Variants in SPG11 observed in about 807,000 individuals in gnomAD.
SPG11 encodes spatacsin.
In SPG11, 222 loss-of-function variants were observed where a neutral mutation model predicts 274.0. The observed-to-expected ratio is 0.81, with a 90% CI of 0.73 to 0.91. SPG11 has a LOEUF of 0.91. SPG11 is among the 40% of genes least tolerant of loss of function. The pLI is 0.00. For synonymous variants in SPG11, 1,144 were observed against 1,039.7 expected (o/e 1.10, Z -1.93); for missense variants, 3,114 against 2,872.7 (o/e 1.08, Z -1.92).
chr15:44,568,565 A>G (rs561943710), intron 35 of SPG11, among the ~76,000 whole-genome samples: 54 of 152,362 alleles, frequency 3.5e-4, no homozygotes, highest in Middle Eastern at 3.4e-3. Flanking sequence ...CTGAGGACAC[A>G]CGGGCTTGCA....
intron 7 of SPG11, among the ~76,000 whole-genome samples, chr15:44,634,850 AATTACAGGC>A (rs1200937299): frequency 1.3e-5 from 2 of 151,774 alleles, no homozygotes; most frequent in Admixed American, 1.3e-4. Flanking sequence ...AAAGTGCTGG[AATTACAGGC>A]ATGAGCCATC....
intron 7 of SPG11, among the ~76,000 whole-genome samples, chr15:44,646,291 T>C (rs372268735): frequency 1.3e-5 from 2 of 152,196 alleles, no homozygotes; most frequent in East Asian, 3.8e-4. Flanking sequence ...GTTCTCACAC[T>C]GCTACAAAGA....
Position 44,566,319 on chromosome 15 carries a change from A to G in SPG11, c.6755-14T>C. On this transcript the variant is annotated splice_polypyrimidine_tract_variant and intron_variant, in intron 36 of 39. Transcript: ENST00000261866. Reference sequence around the variant, plus strand: ...TGAGGCTGTCCTCTGTAGGGGAAATAAAGAAGATTTGCCGAGTCTGACTCC... The same window carrying G: ...TGAGGCTGTCCTCTGTAGGGGAAATGAAGAAGATTTGCCGAGTCTGACTCC... 5.6e-6 allele frequency: 9 copies of G among 1,613,014 alleles called. No individual in the cohort carries two copies. The highest frequency in any genetic ancestry group is 7.6e-6 in the Non-Finnish European group (9 of 1,179,236).
intron 4 of SPG11, among the ~76,000 whole-genome samples, chr15:44,654,175 A>G (rs1384978761): frequency 6.6e-6 from 1 of 152,192 alleles, no homozygotes; most frequent in African/African-American, 2.4e-5. Context: ...TGAATGCATA[A>G]AAGTTACATA....
At chr15:44,599,544 C>T (rs1210045410) in intron 21 of SPG11, among the ~76,000 whole-genome samples, 1 of 152,116 alleles carries the variant, frequency 6.6e-6, no homozygotes, top group African/African-American at 2.4e-5. Flanking sequence ...GTGATCCGCC[C>T]ACCTTGGCCT....
At chr15:44,654,290 A>C (rs947559147) in intron 4 of SPG11, among the ~76,000 whole-genome samples, 4 of 151,952 alleles carry the variant, frequency 2.6e-5, no homozygotes, top group Non-Finnish European at 5.9e-5. Flanking sequence ...CAGGTGGATC[A>C]CTTGAGGTCA....
In SPG11 at chr15:44,628,658, T is replaced by G. The variant is rs2083970254; in HGVS notation, c.2067+11A>C. ...TGGCAAATAAAAGAAGTGATGATTA[T>G]TCGTACTTACCTCAAAGCTGAGTTT... On this transcript the variant is annotated intron_variant, in intron 10 of 39. Coordinates refer to ENST00000261866, the MANE Select transcript of SPG11 (RefSeq NM_025137.4). 6.2e-7 allele frequency: 1 copy of G among 1,611,242 alleles called. No homozygotes were observed. The highest frequency in any genetic ancestry group is 1.3e-5 in the African/African-American group (1 of 74,900).
chr15:44,589,110 T>A lies in SPG11; in HGVS notation c.4906+142A>T. The A allele has an allele frequency of 1.0e-5, 8 of 766,590 alleles. No homozygotes were observed. In the South Asian group the frequency reaches 1.3e-4, roughly 12 times the overall value. 47.5% of individuals were successfully genotyped at this position (766,590 alleles called of 1,614,324 possible). ...GAATATTTTAACCACAATTTAAAGT[T>A]CTCTGTAACTTGTTTACTCCCAGTT... On this transcript the variant is annotated intron_variant, in intron 28 of 39. Coordinates refer to ENST00000261866, the MANE Select transcript of SPG11 (RefSeq NM_025137.4).
intron 4 of SPG11, among the ~76,000 whole-genome samples, chr15:44,656,309 TGACTGCAGAC>T (rs1446778963): frequency 6.6e-6 from 1 of 152,230 alleles, no homozygotes; most frequent in Non-Finnish European, 1.5e-5. Flanking sequence ...CTCAGCTGTC[TGACTGCAGAC>T]ACTGTGAAGG....
intron 28 of SPG11, among the ~76,000 whole-genome samples, chr15:44,586,249 T>C (rs1003004588): frequency 6.6e-6 from 1 of 152,102 alleles, no homozygotes; most frequent in Non-Finnish European, 1.5e-5. Flanking sequence ...TCTGGTTGAC[T>C]AGCAGAGGAA....
intron 7 of SPG11, among the ~76,000 whole-genome samples, chr15:44,635,134 G>A (rs1290615928): frequency 6.6e-6 from 1 of 151,856 alleles, no homozygotes; most frequent in Non-Finnish European, 1.5e-5. Context: ...GAGAATCGCT[G>A]GAACCCGGGA....
At position 44,645,392 on chromosome 15, in the gene SPG11, T is replaced by C. The variant is rs7172726; in HGVS notation, c.1602+3474A>G. Among the ~76,000 whole-genome samples the C allele has an allele frequency of 6.1e-3, 922 of 152,304 alleles. 27 individuals are homozygous for C. The East Asian group carries it at 0.088, about 15-fold the overall frequency. Reference sequence around the variant, plus strand: ...CAAAGAACTCCCTATTCAATTAATGTGCTGGGATAAAAGGCTAGCCATATG... The same window carrying C: ...CAAAGAACTCCCTATTCAATTAATGCGCTGGGATAAAAGGCTAGCCATATG... On this transcript the variant is annotated intron_variant, in intron 7 of 39. Transcript: ENST00000261866.
intron 20 of SPG11, among the ~76,000 whole-genome samples, chr15:44,601,805 C>T (rs945824865): frequency 3.3e-5 from 5 of 152,090 alleles, no homozygotes; most frequent in Non-Finnish European, 7.4e-5. Context: ...GTGATCTGCC[C>T]ACCTTGACCT....
intron 10 of SPG11, among the ~76,000 whole-genome samples, 182 bp downstream of exon 10, chr15:44,628,487 A>G (rs2083965643): frequency 6.6e-6 from 1 of 152,240 alleles, no homozygotes. Flanking sequence ...GAATTAAATA[A>G]ATGGAGCTTG....
chr15:44,660,402 T>C (rs1280260916), intron 2 of SPG11, 30 bp downstream of exon 2: 1 of 1,601,496 alleles, frequency 6.2e-7, no homozygotes, highest in Non-Finnish European at 8.5e-7. Flanking sequence ...CAAATTTAAA[T>C]ATGCTGAAAG....
At position 44,597,358 on chromosome 15, in the gene SPG11, C is replaced by T. The variant is rs145686744; in HGVS notation, c.4002-415G>A. The stretch of plus-strand genomic sequence containing the variant: ...AACTCCCAACCTCAGGTGATCCGTC[C>T]GCCTCACATTCCTGAAGTGCTGGGA... On this transcript the variant is annotated intron_variant, in intron 23 of 39. Coordinates refer to ENST00000261866, the MANE Select transcript of SPG11 (RefSeq NM_025137.4). Among the ~76,000 whole-genome samples, 897 of 152,160 alleles carry T rather than the reference C, an allele frequency of 5.9e-3. 13 individuals carry two copies. The highest frequency in any genetic ancestry group is 0.021 in the African/African-American group (861 of 41,530).
chr15:44,595,262 AAAG>A lies in SPG11; in HGVS notation c.4629_4631del (p.Phe1544del). 1 of 1,614,100 alleles carries A rather than the reference AAAG, an allele frequency of 6.2e-7. No individual in the cohort carries two copies. Among genetic ancestry groups the A allele is most frequent in the Non-Finnish European group, 8.5e-7 (1 of 1,179,910 alleles). On this transcript the variant is annotated inframe_deletion, in exon 26 of 40. Coordinates refer to ENST00000261866, the MANE Select transcript of SPG11 (RefSeq NM_025137.4). ...GAAGTGAAGCAACTATCACTACCTT[AAAG>A]AAAAGCTGGAAACCTCTGATGAGAG...
intron 17 of SPG11, among the ~76,000 whole-genome samples, chr15:44,611,958 A>G (rs916731477): frequency 1.2e-4 from 18 of 151,824 alleles, no homozygotes; most frequent in Admixed American, 5.2e-4. Flanking sequence ...GGCACCCGCC[A>G]CCAAGCCGGG....
intron 5 of SPG11, 60 bp from the exon 6 acceptor site, chr15:44,651,999 A>C (rs1285398654): frequency 1.5e-5 from 23 of 1,576,222 alleles, no homozygotes; most frequent in Non-Finnish European, 1.9e-5. Flanking sequence ...TATGTAAAAC[A>C]CTAAACCAGG....
Sources: gnomAD v4.1 joint callset for allele counts (sites outside exome capture counted in the v4.1 genomes callset) on GRCh38, gnomAD v4.1.1 for gene constraint, MANE v1.5 for transcripts, NCBI Gene and HGNC (gene_info 2026-07-23, HGNC 2026-07-21) for gene names.